The following C14orf119 variants were observed in gnomAD, a reference collection of about 807,000 sequenced individuals.
C14orf119 encodes the protein chromosome 14 open reading frame 119.
Under a neutral mutation model 13.5 loss-of-function variants are expected in C14orf119, and 17 were observed. The observed-to-expected ratio is 1.26, with a 90% CI of 0.86 to 1.88. C14orf119 has a LOEUF of 1.88. C14orf119 is among the 40% of genes most tolerant of loss of function. C14orf119 has a pLI of 0.00. For missense variants in C14orf119, 162 were observed against 165.9 expected, an observed-to-expected ratio of 0.98 and a Z score of 0.13; for synonymous variants, 61 against 61.9, an observed-to-expected ratio of 0.99 and a Z score of 0.07.
At position 23,099,751 on chromosome 14, in the gene C14orf119, T is replaced by G. The variant is rs906159181; in HGVS notation, c.*1670T>G. 2.2e-5 allele frequency: 6 copies of G among 273,508 alleles called. No homozygotes were observed. The highest frequency in any genetic ancestry group is 4.3e-5 in the Non-Finnish European group (6 of 138,348). The allele number at this position is 273,508 out of a possible 1,614,324, so 16.9% of individuals were successfully genotyped here. ...GGCTAAGGGGCTTTACCCTTAAAGA[T>G]AGAGCTCATGAAGCCCCGCCTCATC... On this transcript the variant is annotated 3_prime_UTR_variant, in exon 2 of 2. Transcript: ENST00000319074.
intron 1 of C14orf119, among the ~76,000 whole-genome samples, chr14:23,097,128 T>G (rs2048388668): frequency 6.6e-6 from 1 of 152,088 alleles, no homozygotes; most frequent in African/African-American, 2.4e-5. Flanking sequence ...TGTTGGCATA[T>G]TTCAGAGGCT....
At position 23,099,703 on chromosome 14, in the gene C14orf119, G is replaced by GCGCA. The variant is rs2048415165; in HGVS notation, c.*1626_*1629dup. 1 of 339,280 alleles carries GCGCA rather than the reference G, an allele frequency of 2.9e-6. No homozygotes were observed. Among genetic ancestry groups the GCGCA allele is most frequent in the South Asian group, 1.6e-4 (1 of 6,394 alleles). The allele number at this position is 339,280 out of a possible 1,614,324, so 21.0% of individuals were successfully genotyped here. On this transcript the variant is annotated 3_prime_UTR_variant, in exon 2 of 2. Coordinates refer to ENST00000319074, the MANE Select transcript of C14orf119 (RefSeq NM_017924.4). ...ACCTTCCGAATAGCTGGGACTACAG[G>GCGCA]CGCACGCCGCACCACCACGTCTGGC...
chr14:23,095,696 CA>C (rs1017996960), intron 1 of C14orf119, 77 bp downstream of exon 1: 1 of 176,254 alleles, frequency 5.7e-6, no homozygotes, highest in Admixed American at 5.5e-5. Flanking sequence ...GCAAGCCCCC[CA>C]CTCCTTAACG....
rs1202175848 is a variant in C14orf119, at chr14:23,099,142, G to A, written c.*1061G>A. On this transcript the variant is annotated 3_prime_UTR_variant, in exon 2 of 2. Transcript: ENST00000319074. Reference sequence around the variant, plus strand: ...TGTAAAACTTCACCCTTTTTTCATTGCCAGGCTATATAATATTGACAACCG... The same window carrying A: ...TGTAAAACTTCACCCTTTTTTCATTACCAGGCTATATAATATTGACAACCG... 1.2e-5 allele frequency: 5 copies of A among 410,290 alleles called. No homozygotes were observed. The highest frequency in any genetic ancestry group is 1.3e-3 in the Middle Eastern group (2 of 1,582). The allele number at this position is 410,290 out of a possible 1,614,324, so 25.4% of individuals were successfully genotyped here.
At chr14:23,097,376 A>G (rs1163327621) in intron 1 of C14orf119, among the ~76,000 whole-genome samples, 1 of 152,216 alleles carries the variant, frequency 6.6e-6, no homozygotes, top group Non-Finnish European at 1.5e-5. Context: ...TATATTGGTT[A>G]TTTTTAGGTT....
intron 1 of C14orf119, among the ~76,000 whole-genome samples, chr14:23,097,034 A>G (rs2048387177): frequency 6.6e-6 from 1 of 152,124 alleles, no homozygotes; most frequent in African/African-American, 2.4e-5. Flanking sequence ...GCGTTACCTT[A>G]TTTTGAGCAA....
rs1159278710 is a variant in C14orf119 at position 23,098,600 on chromosome 14, G to A, written c.*519G>A. ...GATTTAATAAAATTATGAAAAATCAGGAGAGGGAGATAATTAGTTGCTTCC... is the reference window on the plus strand; with the variant it reads ...GATTTAATAAAATTATGAAAAATCAAGAGAGGGAGATAATTAGTTGCTTCC... On this transcript the variant is annotated 3_prime_UTR_variant, in exon 2 of 2. Coordinates refer to ENST00000319074, the MANE Select transcript of C14orf119 (RefSeq NM_017924.4). 1.2e-5 allele frequency: 2 copies of A among 171,026 alleles called. No individual in the cohort carries two copies. Among genetic ancestry groups the A allele is most frequent in the Non-Finnish European group, 2.8e-5 (2 of 70,380 alleles). 10.6% of individuals were successfully genotyped at this position (171,026 alleles called of 1,614,324 possible). A position where few individuals can be genotyped will look rare whatever the true frequency, so the allele number is the denominator to read the frequency against.
chr14:23,097,921 C>T lies in C14orf119; in HGVS notation c.263C>T (p.Pro88Leu), dbSNP rs146539585. The part of the protein sequence containing the change: ...EQLSVSGADR[P>L]PSIFECQLHL... The stretch of plus-strand genomic sequence containing the variant: ...CTTAGTGTGTCTGGGGCAGACCGAC[C>T]ACCTTCTATCTTTGAGTGCCAGCTA... Residue 88 changes from proline (P) to leucine (L), a missense_variant, in exon 2 of 2, where the codon CCA becomes CTA. By Grantham distance (98) the Pro-to-Leu change is moderately conservative (BLOSUM62 -3). Transcript: ENST00000319074. 1.4e-5 allele frequency: 22 copies of T among 1,613,998 alleles called. No homozygotes were observed. In the African/African-American group the frequency reaches 2.9e-4, roughly 22 times the overall value.
rs1175072354 is a variant in C14orf119 at position 23,098,272 on chromosome 14, T to C, written c.*191T>C. 3.2e-6 allele frequency: 2 copies of C among 619,148 alleles called. No individual in the cohort carries two copies. Among genetic ancestry groups the C allele is most frequent in the Non-Finnish European group, 5.7e-6 (2 of 348,032 alleles). The allele number at this position is 619,148 out of a possible 1,614,324, so 38.4% of individuals were successfully genotyped here. ...TCAACTGGACTCCTATTTGTAAATG[T>C]TATCAATCTAAGCAATCCAGCTCAT... On this transcript the variant is annotated 3_prime_UTR_variant, in exon 2 of 2. Coordinates refer to ENST00000319074, the MANE Select transcript of C14orf119 (RefSeq NM_017924.4).
rs200281760 is a variant in C14orf119 at position 23,097,870 on chromosome 14, A to G, written c.212A>G (p.Gln71Arg). 4.3e-6 allele frequency: 7 copies of G among 1,614,224 alleles called. No individual in the cohort carries two copies. The East Asian group carries it at 1.3e-4, about 31-fold the overall frequency. The change falls in exon 2 of 2, where the codon CAA becomes CGA. Residue 71 changes from glutamine to arginine, a missense_variant. Gln to Arg is a conservative substitution (Grantham distance 43). Coordinates refer to ENST00000319074, the MANE Select transcript of C14orf119 (RefSeq NM_017924.4). ...GCTAAGGCAGTGCCAGAAAAATTAC[A>G]ACCACTGCTGGATAGTCTGGAGCAG... is the stretch of plus-strand genomic sequence containing the variant. ...LVAKAVPEKL[Q>R]PLLDSLEQLS... is the part of the protein sequence containing the mutation.
At position 23,096,508 on chromosome 14, in the gene C14orf119, C is replaced by CAAA. The variant is rs61586635; in HGVS notation, c.-2+913_-2+915dup. Among the ~76,000 whole-genome samples the CAAA allele has an allele frequency of 1.4e-3, 88 of 62,648 alleles. 5 individuals are homozygous for CAAA. The highest frequency in any genetic ancestry group is 3.4e-3 in the South Asian group (6 of 1,772). 41.1% of individuals were successfully genotyped at this position (62,648 alleles called of 152,430 possible). On this transcript the variant is annotated intron_variant, in intron 1 of 1. Transcript: ENST00000319074. The stretch of plus-strand genomic sequence containing the variant: ...TGGGTGACAGAGCAAGACTCCGTCT[C>CAAA]AAAAAAAAAAAAAAAAAAAAAAAAA...
chr14:23,098,232 A>C lies in C14orf119; in HGVS notation c.*151A>C. On this transcript the variant is annotated 3_prime_UTR_variant, in exon 2 of 2. Transcript: ENST00000319074. ...TGACCAGTACAGGCATGGTTATTTC[A>C]ACATTAATAGCATGTCAACTGGACT... 1 of 725,512 alleles carries C rather than the reference A, an allele frequency of 1.4e-6. No homozygotes were observed. The highest frequency in any genetic ancestry group is 2.3e-6 in the Non-Finnish European group (1 of 437,702). The allele number at this position is 725,512 out of a possible 1,614,324, so 44.9% of individuals were successfully genotyped here.
Position 23,097,798 on chromosome 14 carries a change from C to T in C14orf119, c.140C>T (p.Ala47Val). ...ATGAAGTGTATTCTTCACTGGTTTG[C>T]CAATTGGTCAGGTCCCCAGCGTGAA... Reference protein sequence around the residue: ...QEMKCILHWFANWSGPQRERF... With the variant: ...QEMKCILHWFVNWSGPQRERF... The change falls in exon 2 of 2, where the codon GCC becomes GTC. Residue 47 changes from alanine (A) to valine (V), a missense_variant. Ala to Val is a moderately conservative substitution (Grantham distance 64). Transcript: ENST00000319074. 1.2e-6 allele frequency: 2 copies of T among 1,614,160 alleles called. No homozygotes were observed. Among genetic ancestry groups the T allele is most frequent in the Admixed American group, 3.3e-5 (2 of 60,026 alleles).
intron 1 of C14orf119, 81 bp from the exon 2 acceptor site, chr14:23,097,577 G>T: frequency 8.0e-7 from 1 of 1,256,512 alleles, no homozygotes; most frequent in Non-Finnish European, 1.1e-6. Context: ...CTAATTGAGT[G>T]TGGTAAGATG....
chr14:23,100,184 G>A lies in C14orf119; in HGVS notation c.*2103G>A. On this transcript the variant is annotated 3_prime_UTR_variant, in exon 2 of 2. Transcript: ENST00000319074. The stretch of plus-strand genomic sequence containing the variant: ...TGGGGGAATCACTTGAGCCTAGGGA[G>A]GTCGAGGCCACAGTGAGCTGAGATC... 1 of 208,436 alleles carries A rather than the reference G, an allele frequency of 4.8e-6. No individual in the cohort carries two copies. 12.9% of individuals were successfully genotyped at this position (208,436 alleles called of 1,614,324 possible).
chr14:23,098,372 C>T lies in C14orf119; in HGVS notation c.*291C>T. On this transcript the variant is annotated 3_prime_UTR_variant, in exon 2 of 2. Transcript: ENST00000319074. ...TGATGGCTTCTTCTGCAGCTATAAC[C>T]ACAAGGAACCTACACATTGTAACTC... The T allele has an allele frequency of 2.7e-6, 1 of 368,426 alleles. No individual in the cohort carries two copies. The highest frequency in any genetic ancestry group is 5.3e-6 in the Non-Finnish European group (1 of 187,752). 22.8% of individuals were successfully genotyped at this position (368,426 alleles called of 1,614,324 possible).
Position 23,098,199 on chromosome 14 carries a change from G to A in C14orf119, c.*118G>A, listed in dbSNP as rs542168621. ...GAACTGGTATTCCAACCAGCTGACC[G>A]AACTCACTGACCAGTACAGGCATGG... is the stretch of plus-strand genomic sequence containing the variant. On this transcript the variant is annotated 3_prime_UTR_variant, in exon 2 of 2. Transcript: ENST00000319074. 1.4e-4 allele frequency: 147 copies of A among 1,056,792 alleles called. No homozygotes were observed. The South Asian group carries it at 2.0e-3, about 14-fold the overall frequency. The allele number at this position is 1,056,792 out of a possible 1,614,324, so 65.5% of individuals were successfully genotyped here.
Position 23,100,277 on chromosome 14 carries a change from G to A in C14orf119, c.*2196G>A, listed in dbSNP as rs540653812. The A allele has an allele frequency of 1.9e-4, 71 of 380,998 alleles. No individual in the cohort carries two copies. The Admixed American group carries it at 2.9e-3, about 15-fold the overall frequency. The allele number at this position is 380,998 out of a possible 1,614,324, so 23.6% of individuals were successfully genotyped here. On this transcript the variant is annotated 3_prime_UTR_variant, in exon 2 of 2. Coordinates refer to ENST00000319074, the MANE Select transcript of C14orf119 (RefSeq NM_017924.4). ...CTCAAAAAAGAAGAAGAAAAAGGTG[G>A]GGGGAGGGGACTAAGATCCCTATGT...
Position 23,095,596 on chromosome 14 carries a change from G to A in C14orf119, c.-25G>A, listed in dbSNP as rs542621475. ...TCTAAGGACTCGTGACAATCTTCGG[G>A]TGCCCTTCGAGAGAAAAGGGGAGGT... On this transcript the variant is annotated 5_prime_UTR_variant, in exon 1 of 2. The change creates a new upstream start codon in the 5' untranslated region. Transcript: ENST00000319074. 199 of 371,676 alleles carry A rather than the reference G, an allele frequency of 5.4e-4. 2 individuals carry two copies. Among genetic ancestry groups the A allele is most frequent in the African/African-American group, 3.8e-3 (183 of 48,716 alleles). 23.0% of individuals were successfully genotyped at this position (371,676 alleles called of 1,614,324 possible). A position where few individuals can be genotyped will look rare whatever the true frequency, so the allele number is the denominator to read the frequency against.
Sources: allele counts gnomAD v4.1 joint callset (sites outside exome capture counted in the v4.1 genomes callset), GRCh38; gene constraint gnomAD v4.1.1; transcripts MANE v1.5; gene names NCBI Gene and HGNC (gene_info 2026-07-23, HGNC 2026-07-21).